UBC: variants seen among roughly 807,000 people sequenced by gnomAD.
The protein encoded by UBC is ubiquitin C.
In UBC, 8 loss-of-function variants were observed where a neutral mutation model predicts 34.7. The ratio of observed to expected loss-of-function variants is 0.23; its 90% CI spans 0.14 to 0.42. UBC has a LOEUF of 0.42. Among genes scored for constraint, UBC ranks in the 10% least tolerant of loss-of-function variants. The pLI is 1.00. For missense variants in UBC, 323 were observed against 750.3 expected (o/e 0.43, Z 6.65); for synonymous variants, 367 against 299.8 (o/e 1.22, Z -2.32).
At position 124,912,765 on chromosome 12, in the gene UBC, T is replaced by C; in HGVS notation, c.1007A>G (p.Asp336Gly). The C allele has an allele frequency of 1.2e-6, 2 of 1,606,352 alleles. No individual in the cohort carries two copies. The highest frequency in any genetic ancestry group is 1.7e-6 in the Non-Finnish European group (2 of 1,177,948). Residue 336 changes from aspartate to glycine, a missense_variant, in exon 2 of 2, where the codon GAC (aspartate) becomes GGC (glycine). By Grantham distance (94) the Asp-to-Gly change is moderately conservative. Coordinates refer to ENST00000339647, the MANE Select transcript of UBC (RefSeq NM_021009.7). ...TIENVKAKIQ[D>G]KEGIPPDQQR... ...CTGGTCAGGAGGGATGCCTTCCTTG[T>C]CTTGGATCTTTGCCTTGACATTCTC...
Position 124,913,530 on chromosome 12 carries a change from A to T in UBC, c.242T>A (p.Val81Glu). 1 of 1,609,694 alleles carries T rather than the reference A, an allele frequency of 6.2e-7. No individual in the cohort carries two copies. Among genetic ancestry groups the T allele is most frequent in the Non-Finnish European group, 8.5e-7 (1 of 1,178,648 alleles). The change falls in exon 2 of 2, where the codon GTG (valine) becomes GAG (glutamate). Residue 81 changes from valine to glutamate, a missense_variant. By Grantham distance (121) the Val-to-Glu change is moderately radical. Transcript: ENST00000339647. ...GATGGTCTTGCCAGTGAGTGTCTTC[A>T]CGAAGATTTGCATCCCACCTCTGAG... is the stretch of plus-strand genomic sequence containing the variant. ...LRLRGGMQIF[V>E]KTLTGKTITL...
chr12:124,913,888 C>A, intron 1 of UBC, 114 bp from the exon 2 acceptor site: 1 of 1,498,950 alleles, frequency 6.7e-7, no homozygotes. Context: ...AAAAACTTCA[C>A]AAAACACACT....
chr12:124,914,047 C>T (rs1036150437), intron 1 of UBC: 5 of 501,394 alleles, frequency 1.0e-5, no homozygotes, highest in African/African-American at 7.7e-5. Flanking sequence ...CTACCCTAGG[C>T]CCGAACCCTG....
In UBC at chr12:124,911,689, T is replaced by G. The variant is rs769984945; in HGVS notation, c.*25A>C. 1 of 1,598,802 alleles carries G rather than the reference T, an allele frequency of 6.3e-7. No individual in the cohort carries two copies. Among genetic ancestry groups the G allele is most frequent in the South Asian group, 1.1e-5 (1 of 90,070 alleles). ...TATTGAAAGGAAAGTGCAATGAAAT[T>G]TGTTGAAACCTTAAAAGGGGAAACT... On this transcript the variant is annotated 3_prime_UTR_variant, in exon 2 of 2. Transcript: ENST00000339647.
chr12:124,914,129 G>C (rs1004483861), intron 1 of UBC: 2 of 292,168 alleles, frequency 6.8e-6, no homozygotes, highest in Non-Finnish European at 1.3e-5. Context: ...TAAGCCAACA[G>C]AACGGGTGAC....
At chr12:124,913,926 C>G (rs1385692392) in intron 1 of UBC, 152 bp from the exon 2 acceptor site, 25 of 1,235,086 alleles carry the variant, frequency 2.0e-5, no homozygotes, top group Non-Finnish European at 2.8e-5. Context: ...TAGTTCAAAA[C>G]CGGAGCTTCA....
chr12:124,913,760 G>A lies in UBC; in HGVS notation c.12C>T (p.Phe4=), dbSNP rs1292929981. 1.9e-6 allele frequency: 3 copies of A among 1,614,020 alleles called. No individual in the cohort carries two copies. The highest frequency in any genetic ancestry group is 2.5e-6 in the Non-Finnish European group (3 of 1,179,980). The change falls in exon 2 of 2, where the codon TTC becomes TTT. Residue 4 remains phenylalanine (F), a synonymous_variant. Coordinates refer to ENST00000339647, the MANE Select transcript of UBC (RefSeq NM_021009.7). ...TGGTCTTACCAGTCAGAGTCTTCAC[G>A]AAGATCTGCATTGTCTAACAAAAAA... is the stretch of plus-strand genomic sequence containing the variant. The part of the protein sequence containing the change: MQI[F]VKTLTGKTIT...
chr12:124,911,777 A>G lies in UBC; in HGVS notation c.1995T>C (p.Ser665=), dbSNP rs774523443. Residue 665 remains serine, a synonymous_variant, in exon 2 of 2, where the codon TCT becomes TCC. Transcript: ENST00000339647. ...TGGACTCTTTCTGGATGTTGTAGTC[A>G]GACAGGGTGCGTCCATCTTCCAGCT... ...GKQLEDGRTL[S]DYNIQKESTL... is the part of the protein sequence containing the mutation. 32 of 1,613,884 alleles carry G rather than the reference A, an allele frequency of 2.0e-5. No homozygotes were observed. Among genetic ancestry groups the G allele is most frequent in the Non-Finnish European group, 2.7e-5 (32 of 1,179,876 alleles).
Position 124,911,734 on chromosome 12 carries a change from G to A in UBC, c.2038C>T (p.Arg680Cys). Residue 680 changes from arginine (R) to cysteine (C), a missense_variant, in exon 2 of 2, where the codon CGC becomes TGC. Arg to Cys is a radical substitution (Grantham distance 180, BLOSUM62 -3). Around this residue, in one of 5 missense-constraint regions of UBC, gnomAD observed 49 missense variants for 112.6 expected, o/e 0.44. Coordinates refer to ENST00000339647, the MANE Select transcript of UBC (RefSeq NM_021009.7). ...GAAACTTAGACACCCCCCCTCAAGCGCAGGACCAAGTGCAGAGTGGACTCT... is the reference window on the plus strand; with the variant it reads ...GAAACTTAGACACCCCCCCTCAAGCACAGGACCAAGTGCAGAGTGGACTCT... ...QKESTLHLVL[R>C]LRGGV The A allele has an allele frequency of 1.9e-6, 3 of 1,613,506 alleles. No individual in the cohort carries two copies. The highest frequency in any genetic ancestry group is 1.7e-6 in the Non-Finnish European group (2 of 1,179,724).
At chr12:124,913,983 C>T (rs1953569775) in intron 1 of UBC, 3 of 714,360 alleles carry the variant, frequency 4.2e-6, no homozygotes, top group South Asian at 3.9e-5. Flanking sequence ...GAAACTGACG[C>T]CTCACTTATC....
At chr12:124,914,148 A>G (rs1594453569) in intron 1 of UBC, 1 of 255,934 alleles carries the variant, frequency 3.9e-6, no homozygotes, top group East Asian at 9.9e-5. Flanking sequence ...ACGTCACGAC[A>G]CGACGAGGGC....
chr12:124,914,113 G>A (rs1312225712), intron 1 of UBC: 2 of 333,904 alleles, frequency 6.0e-6, no homozygotes, highest in Non-Finnish European at 1.1e-5. Flanking sequence ...GCCCCACCCT[G>A]CATTATAAGC....
intron 1 of UBC, chr12:124,914,214 C>A: frequency 5.0e-6 from 1 of 201,626 alleles, no homozygotes; most frequent in Non-Finnish European, 1.0e-5. Context: ...AACTGCCGCC[C>A]CCGCAACAGA....
Position 124,912,722 on chromosome 12 carries a change from G to A in UBC, c.1050C>T (p.Ala350=), listed in dbSNP as rs145681180. 2.4e-4 allele frequency: 387 copies of A among 1,604,610 alleles called. 4 individuals are homozygous for A. The African/African-American group carries it at 3.0e-3, about 12-fold the overall frequency. Residue 350 remains alanine (A), a synonymous_variant, in exon 2 of 2, where the codon GCC becomes GCT. Transcript: ENST00000339647. ...IPPDQQRLIF[A]GKQLEDGRTL... is the part of the protein sequence containing the mutation. Reference sequence around the variant, plus strand: ...TACGACCATCTTCCAGCTGTTTTCCGGCAAAGATCAACCTCTGCTGGTCAG... The same window carrying A: ...TACGACCATCTTCCAGCTGTTTTCCAGCAAAGATCAACCTCTGCTGGTCAG...
chr12:124,912,134 A>G lies in UBC; in HGVS notation c.1638T>C (p.Thr546=), dbSNP rs79404795. 4.7e-4 allele frequency: 406 copies of G among 865,638 alleles called. No individual in the cohort carries two copies. The highest frequency in any genetic ancestry group is 3.0e-4 in the Non-Finnish European group (197 of 663,502). The allele number at this position is 865,638 out of a possible 1,614,324, so 53.6% of individuals were successfully genotyped here. A position where few individuals can be genotyped will look rare whatever the true frequency, so the allele number is the denominator to read the frequency against. ...TGGTGTCACTCGGCTCCACTTCGAG[A>G]GTGATGGTCTTACCAGTCAGGGTCT... ...FVKTLTGKTI[T]LEVEPSDTIE... Residue 546 remains threonine (T), a synonymous_variant, in exon 2 of 2, where the codon ACT becomes ACC. Coordinates refer to ENST00000339647, the MANE Select transcript of UBC (RefSeq NM_021009.7).
Position 124,911,681 on chromosome 12 carries a change from A to G in UBC, c.*33T>C. On this transcript the variant is annotated 3_prime_UTR_variant, in exon 2 of 2. Coordinates refer to ENST00000339647, the MANE Select transcript of UBC (RefSeq NM_021009.7). ...AACAACTTTATTGAAAGGAAAGTGC[A>G]ATGAAATTTGTTGAAACCTTAAAAG... is the stretch of plus-strand genomic sequence containing the variant. The G allele has an allele frequency of 1.9e-6, 3 of 1,606,426 alleles. No individual in the cohort carries two copies. Among genetic ancestry groups the G allele is most frequent in the South Asian group, 1.1e-5 (1 of 90,366 alleles).
At chr12:124,914,133 G>A (rs1164623906) in intron 1 of UBC, 3 of 282,116 alleles carry the variant, frequency 1.1e-5, no homozygotes, top group East Asian at 8.8e-5. Context: ...CCAACAGAAC[G>A]GGTGACGTCA....
rs763777057 is a variant in UBC at position 124,913,006 on chromosome 12, C to A, written c.766G>T (p.Ala256Ser). ...EPSDTIENVK[A>S]KIQDKEGIPP... ...ATGCCTTCCTTGTCTTGGATCTTTG[C>A]TTTGACGTTCTCGATAGTGTCACTG... The change falls in exon 2 of 2, where the codon GCA (alanine) becomes TCA (serine). Residue 256 changes from alanine (A) to serine (S), a missense_variant. Physicochemically the swap from Ala to Ser is moderately conservative, Grantham distance 99. Around this residue, in one of 5 missense-constraint regions of UBC, gnomAD observed 202 missense variants for 361.9 expected, o/e 0.56. Transcript: ENST00000339647. 3.1e-6 allele frequency: 5 copies of A among 1,611,336 alleles called. No homozygotes were observed. The highest frequency in any genetic ancestry group is 4.2e-6 in the Non-Finnish European group (5 of 1,179,114).
rs1054116285 is a variant in UBC, at chr12:124,913,953, G to C, written c.-3-179C>G. The C allele has an allele frequency of 5.1e-6, 5 of 989,612 alleles. No homozygotes were observed. The East Asian group carries it at 1.0e-4, about 21-fold the overall frequency. 61.3% of individuals were successfully genotyped at this position (989,612 alleles called of 1,614,324 possible). On this transcript the variant is annotated intron_variant, in intron 1 of 1. Transcript: ENST00000339647. ...GGAGCTTCAGCTACTTAAGAAGATA[G>C]GTACATAAAACCGACCAGAGAAACT...
Sources: allele counts gnomAD v4.1 joint callset, GRCh38; gene constraint gnomAD v4.1.1; regional missense constraint gnomAD v4.1.1; transcripts MANE v1.5; gene names NCBI Gene and HGNC (gene_info 2026-07-23, HGNC 2026-07-21).